MBTPS1: variants seen among roughly 807,000 people sequenced by gnomAD.
The protein encoded by MBTPS1 is membrane bound transcription factor peptidase, site 1.
A neutral mutation model predicts 127.8 loss-of-function variants in MBTPS1; 94 were observed. The ratio of observed to expected loss-of-function variants is 0.74; its 90% CI spans 0.62 to 0.87. The LOEUF (loss-of-function observed/expected upper bound fraction) is 0.87, where lower values mean the gene tolerates loss of function less well. Ranked by LOEUF, MBTPS1 falls within the 40% of genes least tolerant of loss-of-function variation. The probability of loss-of-function intolerance (pLI) is 0.00; values close to 1 mark genes in which losing one functional copy is unlikely to be tolerated. For synonymous variants in MBTPS1, 632 were observed against 509.4 expected (o/e 1.24, Z -3.24); for missense variants, 1,636 against 1,353.2 (o/e 1.21, Z -3.28).
rs144023235 is a variant in MBTPS1, at chr16:84,098,029, A to G, written c.421+1024T>C. ...AATTTGTTAACCTGATTTAAGATAAACAGGGAAAAAAAACCCTTTTCCTTT... is the reference window on the plus strand; with the variant it reads ...AATTTGTTAACCTGATTTAAGATAAGCAGGGAAAAAAAACCCTTTTCCTTT... On this transcript the variant is annotated intron_variant, in intron 3 of 22. Transcript: ENST00000343411. 4.3e-3 allele frequency among the ~76,000 whole-genome samples: 659 copies of G among 152,246 alleles called. 6 individuals carry two copies. Among genetic ancestry groups the G allele is most frequent in the African/African-American group, 0.015 (632 of 41,506 alleles).
chr16:84,056,210 C>A, intron 21 of MBTPS1, 75 bp from the exon 22 acceptor site: 1 of 1,301,056 alleles, frequency 7.7e-7, no homozygotes, highest in East Asian at 2.4e-5. Flanking sequence ...GGAAGTTCAA[C>A]TGAAACTCAA....
chr16:84,088,327 A>G lies in MBTPS1; in HGVS notation c.1032-867T>C, dbSNP rs115050008. Among the ~76,000 whole-genome samples the G allele has an allele frequency of 3.0e-3, 462 of 152,158 alleles. 2 individuals carry two copies. The highest frequency in any genetic ancestry group is 0.011 in the African/African-American group (441 of 41,502). On this transcript the variant is annotated intron_variant, in intron 8 of 22. Coordinates refer to ENST00000343411, the MANE Select transcript of MBTPS1 (RefSeq NM_003791.4). ...GTGTGTTTTTAACTGACAATTCCCA[A>G]CACACCGAGAAAAAGTGGTACTGCC...
chr16:84,054,214 A>C lies in MBTPS1; in HGVS notation c.*235T>G. 1 of 360,148 alleles carries C rather than the reference A, an allele frequency of 2.8e-6. No individual in the cohort carries two copies. Among genetic ancestry groups the C allele is most frequent in the Admixed American group, 4.6e-5 (1 of 21,508 alleles). 22.3% of individuals were successfully genotyped at this position (360,148 alleles called of 1,614,324 possible). On this transcript the variant is annotated 3_prime_UTR_variant, in exon 23 of 23. Coordinates refer to ENST00000343411, the MANE Select transcript of MBTPS1 (RefSeq NM_003791.4). ...TTGGTGCGCACAGCTGCCGGCGGGAAGTCTCACTGGCGGCAGAGCCACTAA... is the reference window on the plus strand; with the variant it reads ...TTGGTGCGCACAGCTGCCGGCGGGACGTCTCACTGGCGGCAGAGCCACTAA...
chr16:84,111,229 A>G (rs2086392368), intron 1 of MBTPS1, among the ~76,000 whole-genome samples: 1 of 152,176 alleles, frequency 6.6e-6, no homozygotes. Context: ...AACAGGTAGT[A>G]ATAGATGTGA....
intron 10 of MBTPS1, chr16:84,082,192 G>T (rs1486335704): frequency 9.6e-6 from 2 of 209,296 alleles, no homozygotes; most frequent in Non-Finnish European, 1.9e-5. Context: ...ATAGGCTGCA[G>T]AAGGCATGAA....
chr16:84,097,805 C>T (rs1389086684), intron 3 of MBTPS1, among the ~76,000 whole-genome samples: 1 of 150,980 alleles, frequency 6.6e-6, no homozygotes, highest in Non-Finnish European at 1.5e-5. Context: ...TAAGTTTACA[C>T]CTGGTTTTAC....
chr16:84,108,363 A>T (rs2086353531), intron 1 of MBTPS1, among the ~76,000 whole-genome samples: 1 of 152,190 alleles, frequency 6.6e-6, no homozygotes, highest in Non-Finnish European at 1.5e-5. Context: ...CTCCCAGCTG[A>T]AGCGATTCTC....
intron 1 of MBTPS1, among the ~76,000 whole-genome samples, chr16:84,112,179 G>A (rs891452095): frequency 6.6e-6 from 1 of 152,106 alleles, no homozygotes; most frequent in Non-Finnish European, 1.5e-5. Context: ...TCCAGCCTGG[G>A]CAATGGAGAG....
intron 1 of MBTPS1, among the ~76,000 whole-genome samples, chr16:84,102,910 T>TA (rs2086276746): frequency 6.6e-6 from 1 of 152,244 alleles, no homozygotes; most frequent in Non-Finnish European, 1.5e-5. Context: ...ACCTCACACT[T>TA]AAAGAAATGT....
intron 10 of MBTPS1, among the ~76,000 whole-genome samples, chr16:84,084,361 A>G (rs1174378197): frequency 3.3e-5 from 5 of 152,234 alleles, no homozygotes; most frequent in African/African-American, 1.2e-4. Context: ...CAGAGTGGTG[A>G]CTGTCAGTCC....
Position 84,089,665 on chromosome 16 carries a change from G to A in MBTPS1, c.1031+1210C>T, listed in dbSNP as rs561915050. Reference sequence around the variant, plus strand: ...TACTCCCATCACAGGTGAGGGAGCTGAGGCTCAGAGAAGTGACGGTGCCTC... The same window carrying A: ...TACTCCCATCACAGGTGAGGGAGCTAAGGCTCAGAGAAGTGACGGTGCCTC... On this transcript the variant is annotated intron_variant, in intron 8 of 22. Coordinates refer to ENST00000343411, the MANE Select transcript of MBTPS1 (RefSeq NM_003791.4). 2.6e-5 allele frequency among the ~76,000 whole-genome samples: 4 copies of A among 152,342 alleles called. No individual in the cohort carries two copies. In the East Asian group the frequency reaches 7.7e-4, roughly 29 times the overall value.
Position 84,063,424 on chromosome 16 carries a change from T to G in MBTPS1, c.2453A>C (p.Glu818Ala), listed in dbSNP as rs755794928. Reference sequence around the variant, plus strand: ...GGGGACGTTTTCAACAACTGCTGTTTCCTGCTTTAAAACCTCCAATCCTGA... The same window carrying G: ...GGGGACGTTTTCAACAACTGCTGTTGCCTGCTTTAAAACCTCCAATCCTGA... ...KDQGLEVLKQ[E>A]TAVVENVPIL... Residue 818 changes from glutamate to alanine, a missense_variant, in exon 19 of 23, where the codon GAA becomes GCA. Glu to Ala is a moderately radical substitution (Grantham distance 107). Transcript: ENST00000343411. The G allele has an allele frequency of 1.2e-6, 2 of 1,614,182 alleles. No individual in the cohort carries two copies. The highest frequency in any genetic ancestry group is 1.7e-6 in the Non-Finnish European group (2 of 1,180,012).
chr16:84,107,792 CCTCT>C (rs1262164459), intron 1 of MBTPS1, among the ~76,000 whole-genome samples: 1 of 151,220 alleles, frequency 6.6e-6, no homozygotes, highest in Admixed American at 6.6e-5. Flanking sequence ...GCAGCCTCAA[CCTCT>C]GAGGCTCAAG....
At chr16:84,094,379 G>A (rs1041258201) in intron 4 of MBTPS1, among the ~76,000 whole-genome samples, 1 of 152,072 alleles carries the variant, frequency 6.6e-6, no homozygotes, top group African/African-American at 2.4e-5. Context: ...CACCACATGC[G>A]GCTAATCACA....
intron 9 of MBTPS1, among the ~76,000 whole-genome samples, 165 bp from the exon 10 acceptor site, chr16:84,085,299 G>A (rs1199494707): frequency 2.6e-5 from 4 of 152,174 alleles, no homozygotes; most frequent in African/African-American, 4.8e-5. Flanking sequence ...CAGGCGCAAG[G>A]CTCACACCTG....
intron 8 of MBTPS1, 151 bp downstream of exon 8, chr16:84,090,724 T>C (rs1230526994): frequency 1.6e-5 from 10 of 632,640 alleles, no homozygotes; most frequent in South Asian, 6.0e-5. Context: ...CTACATCCTA[T>C]AGTATTTTTT....
chr16:84,109,131 C>A (rs2151173669), intron 1 of MBTPS1, among the ~76,000 whole-genome samples: 1 of 152,306 alleles, frequency 6.6e-6, no homozygotes, highest in East Asian at 1.9e-4. Context: ...AGAACCTAGG[C>A]TCTTTGGACA....
intron 9 of MBTPS1, chr16:84,086,477 C>G (rs1161611737): frequency 6.6e-6 from 1 of 152,472 alleles, no homozygotes; most frequent in Admixed American, 6.5e-5. Context: ...CAGGTCAGCT[C>G]CAGGAAGAGG....
At chr16:84,095,982 G>A (rs191361819) in intron 3 of MBTPS1, among the ~76,000 whole-genome samples, 177 bp from the exon 4 acceptor site, 10 of 152,186 alleles carry the variant, frequency 6.6e-5, no homozygotes, top group East Asian at 1.9e-4. Flanking sequence ...ATTATAGGAC[G>A]TTATTTAGCT....
Sources: gnomAD v4.1 joint callset for allele counts (sites outside exome capture counted in the v4.1 genomes callset) on GRCh38, gnomAD v4.1.1 for gene constraint, MANE v1.5 for transcripts, NCBI Gene and HGNC (gene_info 2026-07-23, HGNC 2026-07-21) for gene names.